SLC25A26: variants seen among roughly 807,000 people sequenced by gnomAD.
The protein encoded by SLC25A26 is solute carrier family 25 member 26.
Under a neutral mutation model 37.8 loss-of-function variants are expected in SLC25A26, and 36 were observed. The observed-to-expected ratio is 0.95, with a 90% CI of 0.73 to 1.26. SLC25A26 has a LOEUF of 1.26. SLC25A26 is among the 50% of genes most tolerant of loss of function. The pLI is 0.00. For missense variants in SLC25A26, 390 were observed against 331.1 expected, an observed-to-expected ratio of 1.18 and a Z score of -1.38; for synonymous variants, 129 against 122.5, an observed-to-expected ratio of 1.05 and a Z score of -0.35.
At chr3:66,269,216 G>A (rs1306926149) in intron 5 of SLC25A26, among the ~76,000 whole-genome samples, 1 of 152,210 alleles carries the variant, frequency 6.6e-6, no homozygotes, top group Admixed American at 6.5e-5. Flanking sequence ...CCTGCTAGGA[G>A]ATTCGGAAAT....
intron 1 of SLC25A26, among the ~76,000 whole-genome samples, chr3:66,227,451 C>T (rs930479615): frequency 6.6e-6 from 1 of 152,094 alleles, no homozygotes; most frequent in Admixed American, 6.5e-5. Context: ...GCTGTCTGTG[C>T]GTAAACTGAG....
At chr3:66,300,036 C>G (rs1327196525) in intron 5 of SLC25A26, among the ~76,000 whole-genome samples, 1 of 152,134 alleles carries the variant, frequency 6.6e-6, no homozygotes, top group Non-Finnish European at 1.5e-5. Flanking sequence ...AGCGTTTCTC[C>G]TTTGCTCTGG....
intron 5 of SLC25A26, among the ~76,000 whole-genome samples, chr3:66,317,035 A>G (rs918642631): frequency 3.3e-5 from 5 of 152,274 alleles, no homozygotes; most frequent in Non-Finnish European, 5.9e-5. Context: ...ACTTCTTTGC[A>G]GTGAGTTAGA....
chr3:66,225,898 G>A (rs1419372608), intron 1 of SLC25A26, among the ~76,000 whole-genome samples: 1 of 152,124 alleles, frequency 6.6e-6, no homozygotes, highest in Admixed American at 6.5e-5. Context: ...GTCCACTTCA[G>A]CCTGGATTTT....
At chr3:66,287,356 T>C (rs750812750) in intron 5 of SLC25A26, among the ~76,000 whole-genome samples, 1 of 152,198 alleles carries the variant, frequency 6.6e-6, no homozygotes, top group Non-Finnish European at 1.5e-5. Flanking sequence ...AACATCTCTT[T>C]GTTCCTTTTT....
At chr3:66,270,034 C>T (rs928239202) in intron 5 of SLC25A26, among the ~76,000 whole-genome samples, 3 of 152,030 alleles carry the variant, frequency 2.0e-5, no homozygotes, top group Admixed American at 6.6e-5. Context: ...TCAGATGCTG[C>T]CTGACGTCAT....
At chr3:66,226,787 A>AT (rs200012952) in intron 1 of SLC25A26, among the ~76,000 whole-genome samples, 67,341 of 151,590 alleles carry the variant, frequency 0.44, 18,474 homozygotes, top group Middle Eastern at 0.65. Context: ...TTTTTAGAAA[A>AT]TTTTTTTTGT....
In SLC25A26 at chr3:66,209,909, TA is replaced by T. The variant is rs2071259559; in HGVS notation, c.-353-10832del. Among the ~76,000 whole-genome samples the T allele has an allele frequency of 2.4e-3, 59 of 24,482 alleles. 5 individuals carry two copies. The highest frequency in any genetic ancestry group is 7.5e-3 in the African/African-American group (53 of 7,044). 16.1% of individuals were successfully genotyped at this position (24,482 alleles called of 152,430 possible). On this transcript the variant is annotated intron_variant, in intron 1 of 10. Transcript: ENST00000676754. The stretch of plus-strand genomic sequence containing the variant: ...CTCTCTCTCTCTATTTATATATATA[TA>T]TATATATATATATATATATATATAT...
At chr3:66,328,288 A>G (rs2075887543) in intron 5 of SLC25A26, among the ~76,000 whole-genome samples, 1 of 152,202 alleles carries the variant, frequency 6.6e-6, no homozygotes. Context: ...GTGTTTCTTT[A>G]TAGTTAGACT....
chr3:66,148,482 C>G (rs1181747446), intron 1 of SLC25A26, among the ~76,000 whole-genome samples: 1 of 152,218 alleles, frequency 6.6e-6, no homozygotes, highest in African/African-American at 2.4e-5. Flanking sequence ...AGCACCCTAG[C>G]TTTCCTTTCT....
chr3:66,282,973 C>T (rs2074396404), intron 5 of SLC25A26, among the ~76,000 whole-genome samples: 1 of 152,206 alleles, frequency 6.6e-6, no homozygotes, highest in Non-Finnish European at 1.5e-5. Context: ...CCTTCTGTCA[C>T]TCAGCGTAAT....
At chr3:66,270,886 C>T (rs2107352136) in intron 5 of SLC25A26, among the ~76,000 whole-genome samples, 1 of 152,256 alleles carries the variant, frequency 6.6e-6, no homozygotes, top group East Asian at 1.9e-4. Flanking sequence ...AAACCAGCTG[C>T]TATTTACTTT....
At chr3:66,199,191 A>G (rs2071081135) in intron 1 of SLC25A26, among the ~76,000 whole-genome samples, 3 of 151,700 alleles carry the variant, frequency 2.0e-5, no homozygotes, top group Admixed American at 6.6e-5. Context: ...TTTGATCCTG[A>G]TGCTGACTCT....
At chr3:66,197,747 G>A (rs1045785753) in intron 1 of SLC25A26, among the ~76,000 whole-genome samples, 1 of 152,028 alleles carries the variant, frequency 6.6e-6, no homozygotes. Context: ...CAAGGTCAGA[G>A]TCAGGTGCAA....
chr3:66,203,547 G>A (rs2071136081), intron 1 of SLC25A26, among the ~76,000 whole-genome samples: 1 of 152,136 alleles, frequency 6.6e-6, no homozygotes, highest in African/African-American at 2.4e-5. Flanking sequence ...ACCTTTGGGT[G>A]CTAATACATA....
At chr3:66,331,766 A>G (rs1200563379) in intron 5 of SLC25A26, among the ~76,000 whole-genome samples, 1 of 152,122 alleles carries the variant, frequency 6.6e-6, no homozygotes, top group Non-Finnish European at 1.5e-5. Context: ...ATATGCCATT[A>G]TTTAAAAATA....
intron 5 of SLC25A26, among the ~76,000 whole-genome samples, chr3:66,266,625 A>G (rs2073764860): frequency 1.6e-5 from 2 of 129,022 alleles, no homozygotes; most frequent in Admixed American, 9.0e-5. Context: ...TGGAGATTGC[A>G]TGCTTATCCC....
At chr3:66,232,447 TTAA>T (rs2072079284) in intron 1 of SLC25A26, among the ~76,000 whole-genome samples, 1 of 152,230 alleles carries the variant, frequency 6.6e-6, no homozygotes, top group Non-Finnish European at 1.5e-5. Context: ...ATGCCTCCTA[TTAA>T]TATGTGCTGG....
intron 3 of SLC25A26, among the ~76,000 whole-genome samples, chr3:66,255,691 C>G (rs894472708): frequency 1.3e-5 from 2 of 152,204 alleles, no homozygotes; most frequent in South Asian, 4.2e-4. Context: ...ATTCTGTTTC[C>G]TTTCATAGAA....
Sources: gnomAD v4.1 joint callset for allele counts (sites outside exome capture counted in the v4.1 genomes callset) on GRCh38, gnomAD v4.1.1 for gene constraint, MANE v1.5 for transcripts, NCBI Gene and HGNC (gene_info 2026-07-23, HGNC 2026-07-21) for gene names.